TIMMDC1: variants seen among roughly 807,000 people sequenced by gnomAD.
TIMMDC1 encodes translocase of inner mitochondrial membrane domain containing 1.
A neutral mutation model predicts 32.6 loss-of-function variants in TIMMDC1; 25 were observed. The ratio of observed to expected loss-of-function variants is 0.77; its 90% CI spans 0.56 to 1.07. TIMMDC1 has a LOEUF of 1.07. Ranked by LOEUF, TIMMDC1 falls within the 50% of genes least tolerant of loss-of-function variation. TIMMDC1 has a pLI of 0.00. For missense variants in TIMMDC1, 329 were observed against 349.2 expected, an observed-to-expected ratio of 0.94 and a Z score of 0.46; for synonymous variants, 130 against 127.6, an observed-to-expected ratio of 1.02 and a Z score of -0.13.
At chr3:119,512,347 C>T (rs75603852) in intron 4 of TIMMDC1, among the ~76,000 whole-genome samples, 12,726 of 152,162 alleles carry the variant, frequency 0.084, 1,196 homozygotes, top group African/African-American at 0.23. Flanking sequence ...GACGCGATCT[C>T]GGCTCACTGC....
chr3:119,523,071 T>A (rs2082040003), intron 6 of TIMMDC1, among the ~76,000 whole-genome samples: 1 of 152,230 alleles, frequency 6.6e-6, no homozygotes, highest in Non-Finnish European at 1.5e-5. Flanking sequence ...AATACTTGAT[T>A]TAGAAACAGA....
At chr3:119,500,062 G>A (rs1020648692) in intron 1 of TIMMDC1, among the ~76,000 whole-genome samples, 2 of 152,168 alleles carry the variant, frequency 1.3e-5, no homozygotes, top group Non-Finnish European at 2.9e-5. Context: ...GTGCTACTGT[G>A]CCCAGCCCAG....
intron 6 of TIMMDC1, among the ~76,000 whole-genome samples, chr3:119,521,646 T>G (rs2082027392): frequency 6.6e-6 from 1 of 151,796 alleles, no homozygotes; most frequent in African/African-American, 2.4e-5. Context: ...TGAGCCATGA[T>G]TGTGCTACTG....
At chr3:119,506,918 G>A (rs775095774) in intron 4 of TIMMDC1, among the ~76,000 whole-genome samples, 4 of 152,016 alleles carry the variant, frequency 2.6e-5, no homozygotes, top group Non-Finnish European at 5.9e-5. Flanking sequence ...AATTTTGTTC[G>A]GCTCCTACTT....
chr3:119,510,764 G>C (rs1263454564), intron 4 of TIMMDC1, among the ~76,000 whole-genome samples: 5 of 152,128 alleles, frequency 3.3e-5, no homozygotes, highest in African/African-American at 1.2e-4. Flanking sequence ...ATTTATTATG[G>C]TGCTTATGTA....
At chr3:119,516,713 C>G (rs1195710665) in intron 5 of TIMMDC1, among the ~76,000 whole-genome samples, 1 of 152,154 alleles carries the variant, frequency 6.6e-6, no homozygotes, top group Non-Finnish European at 1.5e-5. Context: ...ACGCCAGACT[C>G]TTGAACTTCA....
intron 6 of TIMMDC1, among the ~76,000 whole-genome samples, chr3:119,518,445 C>T (rs533176338): frequency 6.6e-6 from 1 of 151,450 alleles, no homozygotes; most frequent in South Asian, 2.1e-4. Flanking sequence ...GCTGTAGGTC[C>T]ATCATCCAAG....
rs2082055592 is a variant in TIMMDC1, at chr3:119,524,850, C to T, written c.*1094C>T. On this transcript the variant is annotated 3_prime_UTR_variant, in exon 7 of 7. Coordinates refer to ENST00000494664, the MANE Select transcript of TIMMDC1 (RefSeq NM_016589.4). ...AAGGAGAAAAAGCCATCTTAGGGAT[C>T]TAAGGAGGCCCTATGGAAAGTTACT... 6.6e-6 allele frequency: 1 copy of T among 152,160 alleles called. No individual in the cohort carries two copies. Among genetic ancestry groups the T allele is most frequent in the African/African-American group, 2.4e-5 (1 of 41,424 alleles). The allele number at this position is 152,160 out of a possible 1,614,324, so 9.4% of individuals were successfully genotyped here. A position where few individuals can be genotyped will look rare whatever the true frequency, so the allele number is the denominator to read the frequency against.
In TIMMDC1 at chr3:119,502,790, G is replaced by A. The variant is rs546003288; in HGVS notation, c.361-742G>A. Among the ~76,000 whole-genome samples, 5 of 151,958 alleles carry A rather than the reference G, an allele frequency of 3.3e-5. No homozygotes were observed. In the East Asian group the frequency reaches 7.7e-4, roughly 23 times the overall value. On this transcript the variant is annotated intron_variant, in intron 2 of 6. Transcript: ENST00000494664. Reference sequence around the variant, plus strand: ...TGCCCAGGCTGGTCTTAAACTTGTCGGCTCAAGTGATCCTCCCTAGTTGCC... The same window carrying A: ...TGCCCAGGCTGGTCTTAAACTTGTCAGCTCAAGTGATCCTCCCTAGTTGCC...
intron 6 of TIMMDC1, among the ~76,000 whole-genome samples, chr3:119,521,361 C>G (rs1368105408): frequency 6.6e-6 from 1 of 152,116 alleles, no homozygotes; most frequent in African/African-American, 2.4e-5. Context: ...TCGAGACCAG[C>G]CTGACCGACA....
chr3:119,511,889 ATAAAC>A (rs1481077803), intron 4 of TIMMDC1, among the ~76,000 whole-genome samples: 1 of 152,244 alleles, frequency 6.6e-6, no homozygotes, highest in African/African-American at 2.4e-5. Flanking sequence ...ATTGGAAAAA[ATAAAC>A]TAAGAGAATG....
In TIMMDC1 at chr3:119,523,474, G is replaced by A. The variant is rs777146232; in HGVS notation, c.708-132G>A. The A allele has an allele frequency of 3.7e-4, 292 of 779,724 alleles. 1 individual carries two copies. The highest frequency in any genetic ancestry group is 5.0e-4 in the Non-Finnish European group (255 of 509,504). 48.3% of individuals were successfully genotyped at this position (779,724 alleles called of 1,614,324 possible). A position where few individuals can be genotyped will look rare whatever the true frequency, so the allele number is the denominator to read the frequency against. ...GAAAGTTACTGTATTTGAAGTTCAG[G>A]GAGCAGTATTTGCTTCTAAATTGCT... On this transcript the variant is annotated intron_variant, in intron 6 of 6. Coordinates refer to ENST00000494664, the MANE Select transcript of TIMMDC1 (RefSeq NM_016589.4).
intron 1 of TIMMDC1, 59 bp downstream of exon 1, chr3:119,498,986 G>T (rs2081846905): frequency 6.5e-7 from 1 of 1,538,152 alleles, no homozygotes; most frequent in East Asian, 2.3e-5. Context: ...GTCCTGCAGC[G>T]TGGGCAGCCT....
chr3:119,507,895 T>C (rs999275387), intron 4 of TIMMDC1, among the ~76,000 whole-genome samples: 1 of 152,216 alleles, frequency 6.6e-6, no homozygotes, highest in African/African-American at 2.4e-5. Flanking sequence ...ACAAGTGCTT[T>C]TCAGTTTTTT....
chr3:119,509,686 A>AT (rs35042893), intron 4 of TIMMDC1, among the ~76,000 whole-genome samples: 19,980 of 139,370 alleles, frequency 0.14, 1,704 homozygotes, highest in East Asian at 0.33. Flanking sequence ...ATGCAACTAA[A>AT]TTTTTTTTTT....
intron 4 of TIMMDC1, among the ~76,000 whole-genome samples, chr3:119,506,855 T>A (rs575618977): frequency 2.0e-5 from 3 of 152,198 alleles, no homozygotes; most frequent in African/African-American, 7.2e-5. Flanking sequence ...ACATGTTCTT[T>A]CCTTTTGTGA....
At chr3:119,508,161 A>G (rs190416035) in intron 4 of TIMMDC1, among the ~76,000 whole-genome samples, 32 of 152,220 alleles carry the variant, frequency 2.1e-4, no homozygotes, top group African/African-American at 6.5e-4. Flanking sequence ...TTTTTCTCAG[A>G]TCTTTACTGG....
chr3:119,515,557 T>C (rs2081980676), intron 5 of TIMMDC1, among the ~76,000 whole-genome samples: 1 of 152,250 alleles, frequency 6.6e-6, no homozygotes, highest in South Asian at 2.1e-4. Flanking sequence ...AATATAATCA[T>C]GGGCATAATA....
In TIMMDC1 at chr3:119,498,747, C is replaced by T; in HGVS notation, c.14C>T (p.Pro5Leu). The T allele has an allele frequency of 1.2e-6, 2 of 1,614,190 alleles. No individual in the cohort carries two copies. Among genetic ancestry groups the T allele is most frequent in the Non-Finnish European group, 1.7e-6 (2 of 1,179,994 alleles). Residue 5 changes from proline (P) to leucine (L), a missense_variant, in exon 1 of 7, where the codon CCA becomes CTA. By Grantham distance (98) the Pro-to-Leu change is moderately conservative. Transcript: ENST00000494664. ...CGAGAGAAGGCCATGGAGGTGCCGC[C>T]ACCGGCACCGCGGAGCTTTCTCTGT... The part of the protein sequence containing the change: MEVP[P>L]PAPRSFLCRA...
Sources: allele counts gnomAD v4.1 joint callset (sites outside exome capture counted in the v4.1 genomes callset), GRCh38; gene constraint gnomAD v4.1.1; transcripts MANE v1.5; gene names NCBI Gene and HGNC (gene_info 2026-07-23, HGNC 2026-07-21).